ADGRG6: variants seen among roughly 807,000 people sequenced by gnomAD.
The protein encoded by ADGRG6 is G-protein coupled receptor 126.
Under a neutral mutation model 142.4 loss-of-function variants are expected in ADGRG6, and 84 were observed. The observed-to-expected ratio is 0.59, with a 90% CI of 0.49 to 0.71. The LOEUF is 0.71. Among genes scored for constraint, ADGRG6 ranks in the 30% least tolerant of loss-of-function variants. The pLI, the probability that ADGRG6 is intolerant of heterozygous loss-of-function variation, is 0.00. For missense variants in ADGRG6, 1,367 were observed against 1,466.6 expected, an observed-to-expected ratio of 0.93 and a Z score of 1.11; for synonymous variants, 521 against 520.5, an observed-to-expected ratio of 1.00 and a Z score of -0.01.
chr6:142,337,275 A>G (rs1383227605), intron 2 of ADGRG6, among the ~76,000 whole-genome samples: 2 of 152,202 alleles, frequency 1.3e-5, no homozygotes, highest in Non-Finnish European at 2.9e-5. Flanking sequence ...AAGGGTGAAC[A>G]AAGAGTTTCC....
chr6:142,320,671 G>A (rs1778469263), intron 2 of ADGRG6, among the ~76,000 whole-genome samples: 1 of 152,034 alleles, frequency 6.6e-6, no homozygotes, highest in Non-Finnish European at 1.5e-5. Flanking sequence ...GGCAGAGGAT[G>A]GTTAGCAGAC....
At chr6:142,397,797 G>C (rs1346275137) in intron 10 of ADGRG6, 42 bp downstream of exon 10, 1 of 1,251,690 alleles carries the variant, frequency 8.0e-7, no homozygotes, top group Admixed American at 3.3e-5. Flanking sequence ...TTATACAACT[G>C]TATATTCAGG....
In ADGRG6 at chr6:142,408,527, TATAAC is replaced by T. The variant is rs770384203; in HGVS notation, c.2388+262_2388+266del. The stretch of plus-strand genomic sequence containing the variant: ...AAGAGAAGGGCTTCTATTTTTCAGA[TATAAC>T]ATATATTGCTTCAGATAAATTAGAT... On this transcript the variant is annotated intron_variant, in intron 16 of 24. Transcript: ENST00000367609. Among the ~76,000 whole-genome samples the T allele has an allele frequency of 2.6e-5, 4 of 152,180 alleles. 1 individual carries two copies. In the East Asian group the frequency reaches 5.8e-4, roughly 22 times the overall value.
At chr6:142,438,501 G>T in intron 24 of ADGRG6, 137 bp downstream of exon 24, 1 of 528,018 alleles carries the variant, frequency 1.9e-6, no homozygotes, top group Non-Finnish European at 3.1e-6. Context: ...TCCGTTTGAA[G>T]ACGTTATCCA....
intron 10 of ADGRG6, among the ~76,000 whole-genome samples, chr6:142,399,663 G>A (rs979792402): frequency 6.6e-6 from 1 of 152,012 alleles, no homozygotes; most frequent in Admixed American, 6.6e-5. Flanking sequence ...GTGGATAAGC[G>A]CTTCTACCAA....
At chr6:142,416,662 A>T (rs138809128) in intron 20 of ADGRG6, among the ~76,000 whole-genome samples, 157 of 152,234 alleles carry the variant, frequency 1.0e-3, no homozygotes, top group African/African-American at 3.5e-3. Flanking sequence ...TCTGTTTCAG[A>T]TGGAAATATA....
intron 1 of ADGRG6, 168 bp downstream of exon 1, chr6:142,302,499 G>T: frequency 1.6e-6 from 1 of 637,026 alleles, no homozygotes; most frequent in South Asian, 2.2e-5. Context: ...GAGGCACTGA[G>T]GAGTAGGACT....
chr6:142,305,469 C>CACACACACACAA (rs1777449740), intron 1 of ADGRG6, among the ~76,000 whole-genome samples: 1 of 138,854 alleles, frequency 7.2e-6, no homozygotes, highest in African/African-American at 2.6e-5. Context: ...CACACACACA[C>CACACACACACAA]AATTTTTTTC....
chr6:142,410,203 AC>A (rs748814443), intron 17 of ADGRG6, among the ~76,000 whole-genome samples: 1 of 152,082 alleles, frequency 6.6e-6, no homozygotes, highest in Non-Finnish European at 1.5e-5. Context: ...AATACAGCAT[AC>A]AATTTTATTG....
At chr6:142,423,120 G>C (rs1052198986) in intron 22 of ADGRG6, among the ~76,000 whole-genome samples, 2 of 144,174 alleles carry the variant, frequency 1.4e-5, no homozygotes, top group African/African-American at 5.2e-5. Flanking sequence ...TAGGTTGCCT[G>C]TTCACTCTGA....
chr6:142,439,638 A>C (rs1012155670), intron 24 of ADGRG6, among the ~76,000 whole-genome samples: 2 of 152,210 alleles, frequency 1.3e-5, no homozygotes, highest in African/African-American at 4.8e-5. Context: ...TTAAAAATCC[A>C]AGAACTTGGA....
intron 1 of ADGRG6, among the ~76,000 whole-genome samples, chr6:142,305,900 AGC>A (rs1777472068): frequency 6.5e-5 from 8 of 123,042 alleles, no homozygotes; most frequent in Admixed American, 2.9e-4. Flanking sequence ...TTAATAGAAT[AGC>A]ACTTTTTTTT....
intron 6 of ADGRG6, among the ~76,000 whole-genome samples, chr6:142,385,423 T>C (rs969393285): frequency 5.3e-5 from 8 of 152,224 alleles, no homozygotes; most frequent in African/African-American, 1.7e-4. Flanking sequence ...AATTGTGTTC[T>C]CAAATTTGTG....
Position 142,403,897 on chromosome 6 carries a change from C to G in ADGRG6, c.2051C>G (p.Ser684Ter). Residue 684 changes from serine (S) to a stop codon, truncating the protein, a stop_gained, in exon 14 of 25, where the codon TCA (serine) becomes TGA (stop). Coordinates refer to ENST00000367609, the MANE Select transcript of ADGRG6 (RefSeq NM_198569.3). LOFTEE classifies it high-confidence loss of function. ...ITTRNLALSV[S>*]SLLPGTNAIS... The stretch of plus-strand genomic sequence containing the variant: ...ACTCGGAACTTGGCTCTCAGCGTAT[C>G]ATCCCTGTTACCAGGGACAAATGCA... 1 of 1,604,530 alleles carries G rather than the reference C, an allele frequency of 6.2e-7. No homozygotes were observed. The highest frequency in any genetic ancestry group is 8.5e-7 in the Non-Finnish European group (1 of 1,171,532).
At chr6:142,426,277 A>G (rs907287855) in intron 22 of ADGRG6, among the ~76,000 whole-genome samples, 7 of 152,210 alleles carry the variant, frequency 4.6e-5, no homozygotes, top group Non-Finnish European at 1.0e-4. Flanking sequence ...CAATGGGGGT[A>G]CAGGCATTGA....
At chr6:142,311,498 T>C (rs1173400771) in intron 2 of ADGRG6, among the ~76,000 whole-genome samples, 1 of 151,852 alleles carries the variant, frequency 6.6e-6, no homozygotes, top group Non-Finnish European at 1.5e-5. Context: ...CAGCATGGGG[T>C]TCCTTATAAT....
chr6:142,322,194 G>A (rs1428385182), intron 2 of ADGRG6, among the ~76,000 whole-genome samples: 1 of 152,062 alleles, frequency 6.6e-6, no homozygotes, highest in Non-Finnish European at 1.5e-5. Flanking sequence ...GAGCCCAGTA[G>A]TCCTAGACCA....
intron 4 of ADGRG6, among the ~76,000 whole-genome samples, chr6:142,376,262 C>T (rs1781493622): frequency 1.3e-5 from 2 of 152,118 alleles, no homozygotes; most frequent in Admixed American, 1.3e-4. Flanking sequence ...ACAGACAGTG[C>T]CTTCTCTACT....
At chr6:142,376,341 C>CGA (rs1463328574) in intron 4 of ADGRG6, among the ~76,000 whole-genome samples, 1 of 152,188 alleles carries the variant, frequency 6.6e-6, no homozygotes, top group African/African-American at 2.4e-5. Flanking sequence ...AATGAATAGT[C>CGA]TAAGTTCAAA....
Sources: allele counts gnomAD v4.1 joint callset (sites outside exome capture counted in the v4.1 genomes callset), GRCh38; gene constraint gnomAD v4.1.1; transcripts MANE v1.5; gene names NCBI Gene and HGNC (gene_info 2026-07-23, HGNC 2026-07-21).